TRIM2: variants seen among roughly 807,000 people sequenced by gnomAD.
TRIM2 encodes tripartite motif containing 2, also known as tripartite motif-containing protein 2.
TRIM2 carries 20 observed loss-of-function variants against 75.2 expected under a neutral mutation model. The observed-to-expected ratio is 0.27, with a 90% CI of 0.19 to 0.39. The LOEUF (loss-of-function observed/expected upper bound fraction) is 0.39. Ranked by LOEUF, TRIM2 falls within the 10% of genes least tolerant of loss-of-function variation. TRIM2 has a pLI of 1.00. For synonymous variants in TRIM2, 373 were observed against 388.3 expected (o/e 0.96, Z 0.46); for missense variants, 660 against 990.8 (o/e 0.67, Z 4.48).
intron 3 of TRIM2, among the ~76,000 whole-genome samples, chr4:153,276,835 T>C (rs1758142235): frequency 1.3e-5 from 2 of 152,218 alleles, no homozygotes; most frequent in Non-Finnish European, 2.9e-5. Context: ...CTGCGTCTCA[T>C]TTCTTTATCA....
intron 1 of TRIM2, among the ~76,000 whole-genome samples, chr4:153,168,279 T>C (rs768244549): frequency 1.1e-4 from 16 of 152,238 alleles, no homozygotes; most frequent in South Asian, 4.1e-4. Context: ...ATCCATGATA[T>C]ATTCTTGGTA....
At chr4:153,293,764 C>T (rs777705279) in intron 4 of TRIM2, among the ~76,000 whole-genome samples, 1 of 152,186 alleles carries the variant, frequency 6.6e-6, no homozygotes, top group Non-Finnish European at 1.5e-5. Context: ...TGGAAACTTA[C>T]GAGAAGTTCT....
intron 1 of TRIM2, among the ~76,000 whole-genome samples, chr4:153,174,882 A>G (rs1206475077): frequency 2.0e-5 from 3 of 152,238 alleles, no homozygotes; most frequent in Non-Finnish European, 4.4e-5. Context: ...CAAGATTGCC[A>G]CTGTATGTGA....
At chr4:153,201,215 C>G (rs757296814), upstream of TRIM2, among the ~76,000 whole-genome samples, 4 of 152,170 alleles carry the variant, frequency 2.6e-5, no homozygotes, top group African/African-American at 9.7e-5. Flanking sequence ...CCACCCAACT[C>G]GGCCTCCCAA....
In TRIM2 at chr4:153,293,057, C is replaced by T. The variant is rs974200179; in HGVS notation, c.529C>T (p.Pro177Ser). 5 of 1,613,770 alleles carry T rather than the reference C, an allele frequency of 3.1e-6. No individual in the cohort carries two copies. Among genetic ancestry groups the T allele is most frequent in the Non-Finnish European group, 4.2e-6 (5 of 1,179,756 alleles). Residue 177 changes from proline to serine, a missense_variant, in exon 4 of 12, where the codon CCC (proline) becomes TCC (serine). Around this residue, in one of 2 missense-constraint regions of TRIM2, gnomAD observed 620 missense variants for 891.0 expected, o/e 0.70. Coordinates refer to ENST00000338700, the MANE Select transcript of TRIM2 (RefSeq NM_015271.5). ...CACGGAGGGGGAGCACGCAGAGCAC[C>T]CCACAGTTCCACTCAAGGATGTGGT... ...ECTEGEHAEH[P>S]TVPLKDVVEQ...
In TRIM2 at chr4:153,338,505, G is replaced by A; in HGVS notation, c.*3539G>A. ...GAAAGTGGTAATACTGTTGGTTTCT[G>A]TAAATGTTGCAGGGTTTTAAACTTT... On this transcript the variant is annotated 3_prime_UTR_variant, in exon 12 of 12. Transcript: ENST00000338700. The A allele has an allele frequency of 1.0e-6, 1 of 984,834 alleles. No homozygotes were observed. The allele number at this position is 984,834 out of a possible 1,614,324, so 61.0% of individuals were successfully genotyped here.
intron 10 of TRIM2, chr4:153,324,607 T>C (rs948730418): frequency 1.3e-5 from 2 of 157,558 alleles, no homozygotes; most frequent in African/African-American, 4.8e-5. Flanking sequence ...TTATACTTCT[T>C]AGAATGCTTT....
In TRIM2 at chr4:153,164,135, T is replaced by A. The variant is rs908909989; in HGVS notation, c.-49+10865T>A. 2.0e-5 allele frequency among the ~76,000 whole-genome samples: 3 copies of A among 150,944 alleles called. No individual in the cohort carries two copies. The East Asian group carries it at 5.8e-4, about 29-fold the overall frequency. ...TTACTTATATAAACACATGTACTTA[T>A]TGTTTTGTTTTGTTTTGTTTTGAGA... On this transcript the variant is annotated intron_variant, in intron 1 of 11. Transcript: ENST00000437508.
At chr4:153,237,595 A>G (rs1192661843) in intron 1 of TRIM2, among the ~76,000 whole-genome samples, 1 of 152,068 alleles carries the variant, frequency 6.6e-6, no homozygotes, top group Non-Finnish European at 1.5e-5. Context: ...CAGGAGAATC[A>G]CTTGAACTCA....
intron 1 of TRIM2, among the ~76,000 whole-genome samples, chr4:153,169,570 T>C (rs1730641008): frequency 6.6e-6 from 1 of 152,324 alleles, no homozygotes; most frequent in African/African-American, 2.4e-5. Flanking sequence ...ATTTCAAGTT[T>C]TGTAAATATA....
At chr4:153,207,895 C>A (rs1735916444) in intron 1 of TRIM2, among the ~76,000 whole-genome samples, 1 of 152,168 alleles carries the variant, frequency 6.6e-6, no homozygotes. Context: ...ACTCATGAGC[C>A]GTAAGTTAAA....
chr4:153,261,260 A>G (rs1427612895), intron 1 of TRIM2, among the ~76,000 whole-genome samples: 1 of 152,180 alleles, frequency 6.6e-6, no homozygotes, highest in African/African-American at 2.4e-5. Flanking sequence ...TCTCGCTACT[A>G]AAAATACAAA....
At chr4:153,182,467 A>G (rs1732167237) in intron 1 of TRIM2, among the ~76,000 whole-genome samples, 1 of 152,164 alleles carries the variant, frequency 6.6e-6, no homozygotes, top group African/African-American at 2.4e-5. Flanking sequence ...ACCTTGGGCA[A>G]CATGTTGCCC....
At chr4:153,218,623 G>T (rs1284345957) in intron 1 of TRIM2, among the ~76,000 whole-genome samples, 1 of 152,140 alleles carries the variant, frequency 6.6e-6, no homozygotes, top group Non-Finnish European at 1.5e-5. Context: ...CCCAAGTCAA[G>T]TCTACAAGTC....
At chr4:153,275,679 A>G (rs1757850107) in intron 2 of TRIM2, among the ~76,000 whole-genome samples, 1 of 152,220 alleles carries the variant, frequency 6.6e-6, no homozygotes, top group Non-Finnish European at 1.5e-5. Flanking sequence ...ACAAAAGTCA[A>G]TGACATTTTT....
chr4:153,249,236 C>A (rs1409544787), intron 1 of TRIM2, among the ~76,000 whole-genome samples: 1 of 152,264 alleles, frequency 6.6e-6, no homozygotes, highest in Admixed American at 6.5e-5. Context: ...GGCGCGCAAT[C>A]GCCATCTGGG....
chr4:153,220,246 G>A (rs770490865), intron 1 of TRIM2, among the ~76,000 whole-genome samples: 9 of 151,416 alleles, frequency 5.9e-5, no homozygotes, highest in East Asian at 3.9e-4. Flanking sequence ...AATATAAGAC[G>A]TAGGTGGGAT....
chr4:153,156,479 C>T (rs1174425927), intron 1 of TRIM2, among the ~76,000 whole-genome samples: 3 of 152,124 alleles, frequency 2.0e-5, no homozygotes, highest in Non-Finnish European at 2.9e-5. Context: ...CCCCCACATC[C>T]GCCACTCACA....
intron 6 of TRIM2, chr4:153,307,833 T>A (rs888870426): frequency 2.7e-6 from 2 of 731,460 alleles, no homozygotes; most frequent in Non-Finnish European, 5.1e-6. Context: ...GGACTTGCTA[T>A]ACTTTCTCTT....
Sources: allele counts gnomAD v4.1 joint callset (sites outside exome capture counted in the v4.1 genomes callset), GRCh38; gene constraint gnomAD v4.1.1; regional missense constraint gnomAD v4.1.1; transcripts MANE v1.5; gene names NCBI Gene and HGNC (gene_info 2026-07-23, HGNC 2026-07-21).